Variants in SCN10A observed in about 807,000 individuals in gnomAD.
SCN10A encodes sodium voltage-gated channel alpha subunit 10, also known as sodium channel protein type 10 subunit alpha.
SCN10A carries 162 observed loss-of-function variants against 170.7 expected under a neutral mutation model. The observed-to-expected ratio is 0.95, with a 90% CI of 0.84 to 1.08. The LOEUF is 1.08. Among genes scored for constraint, SCN10A ranks in the 50% least tolerant of loss-of-function variants. SCN10A has a pLI of 0.00. For synonymous variants in SCN10A, 985 were observed against 904.6 expected (o/e 1.09, Z -1.59); for missense variants, 2,527 against 2,436.9 (o/e 1.04, Z -0.78).
chr3:38,800,944 G>C (rs1363605699), intron 1 of SCN10A, among the ~76,000 whole-genome samples: 1 of 152,162 alleles, frequency 6.6e-6, no homozygotes, highest in Non-Finnish European at 1.5e-5. Context: ...CAGATAACAG[G>C]TGTTTCACAT....
Position 38,752,273 on chromosome 3 carries a change from A to T in SCN10A, c.1701T>A (p.Asp567Glu). 6.3e-7 allele frequency: 1 copy of T among 1,590,520 alleles called. No homozygotes were observed. Among genetic ancestry groups the T allele is most frequent in the East Asian group, 2.3e-5 (1 of 43,334 alleles). The part of the protein sequence containing the change: ...PSNPDSRHGE[D>E]EHQPPPTSEL... ...CACTAGTGGGCGGCGGTTGGTGTTC[A>T]TCTTCTCCATGCCTGGAGTCAGGGT... The change falls in exon 12 of 28, where the codon GAT (aspartate) becomes GAA (glutamate). Residue 567 changes from aspartate (D) to glutamate (E), a missense_variant. Physicochemically the swap from Asp to Glu is conservative, Grantham distance 45. Transcript: ENST00000449082.
intron 13 of SCN10A, 54 bp from the exon 14 acceptor site, chr3:38,742,583 C>A: frequency 7.2e-7 from 1 of 1,386,140 alleles, no homozygotes; most frequent in South Asian, 1.2e-5. Flanking sequence ...CCTTGGACCC[C>A]AATTCTGCGG....
intron 6 of SCN10A, among the ~76,000 whole-genome samples, chr3:38,761,837 T>TGA (rs772881421): frequency 0.011 from 1,593 of 144,706 alleles, 23 homozygotes; most frequent in Admixed American, 0.047. Context: ...TGTGTGTGTG[T>TGA]GAGAGAGAGA....
chr3:38,720,374 G>A (rs1450757084), intron 20 of SCN10A, among the ~76,000 whole-genome samples: 5 of 152,196 alleles, frequency 3.3e-5, no homozygotes, highest in African/African-American at 1.2e-4. Context: ...TGTAATATGT[G>A]TATATTTTAT....
chr3:38,720,262 A>G (rs537932874), intron 20 of SCN10A, among the ~76,000 whole-genome samples: 15 of 152,246 alleles, frequency 9.9e-5, no homozygotes, highest in Non-Finnish European at 1.6e-4. Flanking sequence ...GGTTGAGTAA[A>G]TTATAAAGGA....
At chr3:38,770,240 G>T (rs2063982918) in intron 5 of SCN10A, among the ~76,000 whole-genome samples, 2 of 152,140 alleles carry the variant, frequency 1.3e-5, no homozygotes, top group Non-Finnish European at 2.9e-5. Flanking sequence ...AGTAGAAGGG[G>T]GATCTAAGCT....
intron 15 of SCN10A, among the ~76,000 whole-genome samples, chr3:38,735,809 C>G (rs1364121729): frequency 6.6e-6 from 1 of 152,206 alleles, no homozygotes; most frequent in Admixed American, 6.5e-5. Context: ...TTATTTCTTC[C>G]TTTTTCCCTC....
chr3:38,752,011 A>G (rs2063752049), intron 12 of SCN10A, among the ~76,000 whole-genome samples: 1 of 152,182 alleles, frequency 6.6e-6, no homozygotes, highest in Non-Finnish European at 1.5e-5. Flanking sequence ...TGCAGAATAA[A>G]CCAGGAAACC....
intron 15 of SCN10A, 66 bp from the exon 16 acceptor site, chr3:38,728,967 C>T: frequency 6.6e-7 from 1 of 1,524,726 alleles, no homozygotes; most frequent in South Asian, 1.3e-5. Context: ...TAAAGTTTTG[C>T]CTGGAAACCA....
rs755591769 is a variant in SCN10A, at chr3:38,712,152, T to C, written c.4089+9A>G. 1 of 1,613,282 alleles carries C rather than the reference T, an allele frequency of 6.2e-7. No individual in the cohort carries two copies. The highest frequency in any genetic ancestry group is 8.5e-7 in the Non-Finnish European group (1 of 1,179,278). ...GCAAGAGATATGGTTGATCTCATGGTTGACTCACCACCTGCAGAAGTGCAA... is the reference window on the plus strand; with the variant it reads ...GCAAGAGATATGGTTGATCTCATGGCTGACTCACCACCTGCAGAAGTGCAA... On this transcript the variant is annotated intron_variant, in intron 23 of 27. Transcript: ENST00000449082.
chr3:38,796,714 T>C (rs2064343524), intron 1 of SCN10A, among the ~76,000 whole-genome samples: 1 of 152,198 alleles, frequency 6.6e-6, no homozygotes, highest in Admixed American at 6.5e-5. Flanking sequence ...TCTTGTACTC[T>C]TGGCTTTGAG....
At chr3:38,789,896 A>T (rs750289902) in intron 3 of SCN10A, among the ~76,000 whole-genome samples, 1 of 152,188 alleles carries the variant, frequency 6.6e-6, no homozygotes, top group Non-Finnish European at 1.5e-5. Context: ...GGCTCCCAAC[A>T]GTGCTTCCTA....
intron 4 of SCN10A, among the ~76,000 whole-genome samples, chr3:38,781,466 C>A (rs2064138109): frequency 6.6e-6 from 1 of 152,148 alleles, no homozygotes; most frequent in Admixed American, 6.6e-5. Flanking sequence ...TGTCACACAA[C>A]CAACAGTTAC....
intron 15 of SCN10A, among the ~76,000 whole-genome samples, chr3:38,732,375 G>A (rs1289188771): frequency 6.6e-6 from 1 of 152,126 alleles, no homozygotes; most frequent in Non-Finnish European, 1.5e-5. Flanking sequence ...GTGACATCAC[G>A]ATATGGGATA....
intron 1 of SCN10A, among the ~76,000 whole-genome samples, chr3:38,803,010 A>G (rs2064382826): frequency 6.6e-6 from 1 of 152,256 alleles, no homozygotes; most frequent in Non-Finnish European, 1.5e-5. Flanking sequence ...GATACTTCTC[A>G]AAAGAAGACA....
Position 38,697,409 on chromosome 3 carries a change from A to G in SCN10A, c.5811T>C (p.Ser1937=). ...GLSDRVNMRT[S]SSIQNEDEAT... ...CTTCATCTTCATTTTGTATTGAGCT[A>G]GATGTCCTCATGTTGACTCTATCAC... Residue 1937 remains serine (S), a synonymous_variant, in exon 28 of 28, where the codon TCT becomes TCC. Transcript: ENST00000449082. 4 of 1,614,244 alleles carry G rather than the reference A, an allele frequency of 2.5e-6. No individual in the cohort carries two copies. The highest frequency in any genetic ancestry group is 3.4e-6 in the Non-Finnish European group (4 of 1,180,030).
chr3:38,698,510 C>T lies in SCN10A; in HGVS notation c.4710G>A (p.Thr1570=), dbSNP rs78425180. 35,479 of 1,613,984 alleles carry T rather than the reference C, an allele frequency of 0.022. 1,391 individuals carry two copies. Among genetic ancestry groups the T allele is most frequent in the East Asian group, 0.2 (9,082 of 44,852 alleles). The part of the protein sequence containing the change: ...LKSLQSYFSP[T]LFRVIRLARI... The stretch of plus-strand genomic sequence containing the variant: ...GGGCCAGGCGGATGACTCTGAAGAG[C>T]GTTGGGGAGAAGTAACTTTGAAGTG... The change falls in exon 28 of 28, where the codon ACG becomes ACA. Residue 1570 remains threonine, a synonymous_variant. Coordinates refer to ENST00000449082, the MANE Select transcript of SCN10A (RefSeq NM_006514.4).
chr3:38,795,348 T>TC (rs2064333589), intron 1 of SCN10A, among the ~76,000 whole-genome samples: 1 of 130,306 alleles, frequency 7.7e-6, no homozygotes, highest in Admixed American at 7.4e-5. Context: ...TTTCTTTTTC[T>TC]TTTTTTTTTT....
In SCN10A at chr3:38,698,057, A is replaced by T. The variant is rs1400832453; in HGVS notation, c.5163T>A (p.Ile1721=). The part of the protein sequence containing the change: ...LIMVNMYIAV[I]LENFNVATEE... ...CCGTGGCCACATTGAAGTTCTCCAG[A>T]ATCACTGCAATGTACATGTTGACCA... The change falls in exon 28 of 28, where the codon ATT becomes ATA. Residue 1721 remains isoleucine (I), a synonymous_variant. Transcript: ENST00000449082. 2.5e-6 allele frequency: 4 copies of T among 1,614,134 alleles called. No homozygotes were observed. Among genetic ancestry groups the T allele is most frequent in the Non-Finnish European group, 2.5e-6 (3 of 1,180,034 alleles).
Sources: allele counts gnomAD v4.1 joint callset (sites outside exome capture counted in the v4.1 genomes callset), GRCh38; gene constraint gnomAD v4.1.1; transcripts MANE v1.5; gene names NCBI Gene and HGNC (gene_info 2026-07-23, HGNC 2026-07-21).